Variants in GPI observed in about 807,000 individuals in gnomAD.
GPI encodes glucose-6-phosphate isomerase.
GPI carries 56 observed loss-of-function variants against 75.8 expected under a neutral mutation model. The observed-to-expected ratio is 0.74, with a 90% confidence interval of 0.60 to 0.92. The LOEUF is 0.92. GPI is among the 40% of genes least tolerant of loss of function. GPI has a pLI of 0.00. For synonymous variants in GPI, 288 were observed against 285.4 expected, an observed-to-expected ratio of 1.01 and a Z score of -0.09; for missense variants, 638 against 741.0, an observed-to-expected ratio of 0.86 and a Z score of 1.61.
Position 34,400,063 on chromosome 19 carries a change from G to T in GPI, c.*27G>T. ...CTCGTGCTCATCTGCAGCCTCCTCTGTGACTCCCCTTTCTCTTCTCGTCCC... is the reference window on the plus strand; with the variant it reads ...CTCGTGCTCATCTGCAGCCTCCTCTTTGACTCCCCTTTCTCTTCTCGTCCC... On this transcript the variant is annotated 3_prime_UTR_variant, in exon 18 of 18. Transcript: ENST00000356487. 1 of 1,605,486 alleles carries T rather than the reference G, an allele frequency of 6.2e-7. No homozygotes were observed. The highest frequency in any genetic ancestry group is 8.5e-7 in the Non-Finnish European group (1 of 1,178,952).
intron 12 of GPI, among the ~76,000 whole-genome samples, chr19:34,395,268 C>T (rs2074927638): frequency 6.6e-6 from 1 of 151,740 alleles, no homozygotes; most frequent in Non-Finnish European, 1.5e-5. Flanking sequence ...GTGGCTGATG[C>T]CTGCAATCCC....
chr19:34,392,865 G>A (rs2074885027), intron 9 of GPI: 2 of 303,890 alleles, frequency 6.6e-6, no homozygotes, highest in South Asian at 4.7e-5. Context: ...ACAGGTATGA[G>A]GCCTGGGGTC....
chr19:34,396,966 A>G (rs1265581445), intron 14 of GPI, among the ~76,000 whole-genome samples: 1 of 152,016 alleles, frequency 6.6e-6, no homozygotes, highest in Non-Finnish European at 1.5e-5. Context: ...ACTCACCACC[A>G]TGGCCAGCTA....
intron 8 of GPI, chr19:34,379,985 G>GTTTTTTT (rs1356302354): frequency 0.013 from 1,713 of 127,866 alleles, 242 homozygotes; most frequent in Admixed American, 0.03. Flanking sequence ...AGTGTGTGTG[G>GTTTTTTT]TTTTGTTTTT....
At chr19:34,365,034 G>C (rs746961233), upstream of GPI, 3 of 1,520,370 alleles carry the variant, frequency 2.0e-6, no homozygotes, top group South Asian at 3.6e-5. Flanking sequence ...GGAGAGAGGA[G>C]CTGAGGCCCC....
At chr19:34,365,432 G>C in intron 1 of GPI, 44 bp downstream of exon 1, 1 of 1,523,382 alleles carries the variant, frequency 6.6e-7, no homozygotes, top group Non-Finnish European at 8.8e-7. Context: ...GCGGCGCCCG[G>C]AACCGGGCAC....
intron 8 of GPI, chr19:34,381,198 G>A (rs945419836): frequency 2.2e-5 from 12 of 541,218 alleles, no homozygotes; most frequent in African/African-American, 1.9e-4. Context: ...GTCCTCACAC[G>A]GGGTTACAGC....
At chr19:34,362,289 A>T (rs1056382505), upstream of GPI, among the ~76,000 whole-genome samples, 4 of 152,154 alleles carry the variant, frequency 2.6e-5, no homozygotes, top group African/African-American at 9.7e-5. Context: ...GGGCAACAAG[A>T]GTGAAACTTC....
chr19:34,385,690 T>C (rs764360203), intron 9 of GPI, among the ~76,000 whole-genome samples: 2 of 152,182 alleles, frequency 1.3e-5, no homozygotes, highest in Non-Finnish European at 2.9e-5. Flanking sequence ...TGTAAGCAGC[T>C]GAGGTGTGAA....
chr19:34,387,686 G>A (rs2074757992), intron 9 of GPI, among the ~76,000 whole-genome samples: 1 of 152,182 alleles, frequency 6.6e-6, no homozygotes, highest in Non-Finnish European at 1.5e-5. Context: ...TTCAGGCTCA[G>A]TGCTGGTATG....
intron 1 of GPI, chr19:34,365,970 C>T (rs8191362): frequency 0.017 from 8,714 of 512,328 alleles, 107 homozygotes; most frequent in South Asian, 0.023. Flanking sequence ...CTGGTGGAGG[C>T]GGGGGAGGGG....
intron 9 of GPI, among the ~76,000 whole-genome samples, chr19:34,385,258 A>T (rs1042848858): frequency 1.3e-5 from 2 of 151,886 alleles, no homozygotes; most frequent in African/African-American, 4.8e-5. Context: ...CTGAGGCAGG[A>T]GAATTGCTTG....
intron 9 of GPI, among the ~76,000 whole-genome samples, chr19:34,382,420 C>T (rs1287152869): frequency 6.6e-6 from 1 of 152,146 alleles, no homozygotes; most frequent in East Asian, 1.9e-4. Flanking sequence ...AGCCCTAATC[C>T]CTTAAGCCAT....
Position 34,393,280 on chromosome 19 carries a change from C to T in GPI, c.837C>T (p.Ala279=), listed in dbSNP as rs11548998. 103 of 1,613,428 alleles carry T rather than the reference C, an allele frequency of 6.4e-5. No individual in the cohort carries two copies. The highest frequency in any genetic ancestry group is 8.5e-5 in the Non-Finnish European group (100 of 1,179,488). Residue 279 remains alanine, a synonymous_variant, in exon 10 of 18, where the codon GCC becomes GCT. Coordinates refer to ENST00000356487, the MANE Select transcript of GPI (RefSeq NM_000175.5). The surrounding 1 kb of genome is among the most constrained non-coding windows in gnomAD (Gnocchi z 4.4). ...WVGGRYSLWS[A]IGLSIALHVG... ...GAGGACGCTACTCGCTGTGGTCGGCCATCGGACTCTCCATTGCCCTGCACG... is the reference window on the plus strand; with the variant it reads ...GAGGACGCTACTCGCTGTGGTCGGCTATCGGACTCTCCATTGCCCTGCACG...
At chr19:34,392,209 T>TGG (rs1274033277) in intron 9 of GPI, 39 of 11,824 alleles carry the variant, frequency 3.3e-3, no homozygotes, top group East Asian at 6.1e-3. Flanking sequence ...TCTGGCCCCC[T>TGG]TATGAGGATC....
chr19:34,365,084 G>A, upstream of GPI: 1 of 1,464,520 alleles, frequency 6.8e-7, no homozygotes, highest in Non-Finnish European at 9.0e-7. Flanking sequence ...GCGGGCACCC[G>A]GCCTGGGTAT....
Position 34,394,057 on chromosome 19 carries a change from C to T in GPI, c.1053C>T (p.Tyr351=), listed in dbSNP as rs1280710538. The T allele has an allele frequency of 3.1e-6, 5 of 1,610,684 alleles. No individual in the cohort carries two copies. Among genetic ancestry groups the T allele is most frequent in the East Asian group, 2.2e-5 (1 of 44,892 alleles). ...AGTACCTGCACCGCTTTGCTGCGTA[C>T]TTCCAGCAGGTACCAGCTGCCAAGC... ...YDQYLHRFAA[Y]FQQGDMESNG... Residue 351 remains tyrosine, a synonymous_variant, in exon 12 of 18, where the codon TAC becomes TAT. Transcript: ENST00000356487.
upstream of GPI, chr19:34,365,133 G>T: frequency 4.0e-6 from 5 of 1,251,352 alleles, no homozygotes; most frequent in Non-Finnish European, 5.0e-6. Context: ...GCTCAGGGGT[G>T]GGGCCGGGCC....
intron 4 of GPI, among the ~76,000 whole-genome samples, chr19:34,375,229 G>A (rs184143222): frequency 1.3e-5 from 2 of 150,170 alleles, no homozygotes; most frequent in African/African-American, 4.9e-5. Context: ...TGCAACCTCT[G>A]CCTCCTGGAT....
Sources: gnomAD v4.1 joint callset for allele counts (sites outside exome capture counted in the v4.1 genomes callset) on GRCh38, gnomAD v4.1.1 for gene constraint, Gnocchi (gnomAD v3.1) non-coding constraint, MANE v1.5 for transcripts, NCBI Gene and HGNC (gene_info 2026-07-23, HGNC 2026-07-21) for gene names.